COL23A1: variants seen among roughly 807,000 people sequenced by gnomAD.
The protein encoded by COL23A1 is collagen type XXIII alpha 1 chain, also known as collagen alpha-1(XXIII) chain.
COL23A1 carries 97 observed loss-of-function variants against 99.3 expected under a neutral mutation model. The ratio of observed to expected loss-of-function variants is 0.98; its 90% CI spans 0.83 to 1.16. The LOEUF (loss-of-function observed/expected upper bound fraction) is 1.16, where lower values mean the gene tolerates loss of function less well. COL23A1 is among the 50% of genes most tolerant of loss of function. COL23A1 has a pLI of 0.00. For synonymous variants in COL23A1, 320 were observed against 308.2 expected (o/e 1.04, Z -0.40); for missense variants, 762 against 757.4 (o/e 1.01, Z -0.07).
intron 2 of COL23A1, among the ~76,000 whole-genome samples, chr5:178,499,708 C>T (rs1758418725): frequency 6.6e-6 from 1 of 152,132 alleles, no homozygotes; most frequent in South Asian, 2.1e-4. Flanking sequence ...CCATTTGACT[C>T]CAAGGAAATG....
At chr5:178,533,732 C>T (rs908439893) in intron 2 of COL23A1, among the ~76,000 whole-genome samples, 1 of 152,138 alleles carries the variant, frequency 6.6e-6, no homozygotes, top group Non-Finnish European at 1.5e-5. Context: ...CTCCTGACCT[C>T]GTGATCCGCC....
intron 2 of COL23A1, among the ~76,000 whole-genome samples, chr5:178,529,136 C>T (rs1013144912): frequency 3.9e-5 from 6 of 152,208 alleles, no homozygotes; most frequent in Admixed American, 1.3e-4. Context: ...ATGGCCTTGT[C>T]GTCCAAGGAC....
At chr5:178,554,964 C>T (rs905433086) in intron 2 of COL23A1, among the ~76,000 whole-genome samples, 4 of 152,316 alleles carry the variant, frequency 2.6e-5, no homozygotes, top group South Asian at 2.1e-4. Flanking sequence ...CAAACAGAAA[C>T]GAGGTGCCCC....
At chr5:178,430,161 C>T (rs1461373432) in intron 2 of COL23A1, among the ~76,000 whole-genome samples, 1 of 152,200 alleles carries the variant, frequency 6.6e-6, no homozygotes, top group Non-Finnish European at 1.5e-5. Flanking sequence ...CACTTCGAGA[C>T]CTTAATCCAG....
In COL23A1 at chr5:178,388,338, C is replaced by T. The variant is rs528728006; in HGVS notation, c.362-81419G>A. On this transcript the variant is annotated intron_variant, in intron 2 of 28. Transcript: ENST00000390654. ...TGGGGATGAGTTGGATTTAATCTTA[C>T]GTTCCCTCTTCTCAAAGGTGAAGAA... 4.8e-3 allele frequency among the ~76,000 whole-genome samples: 735 copies of T among 152,310 alleles called. 2 individuals carry two copies. Among genetic ancestry groups the T allele is most frequent in the South Asian group, 9.7e-3 (47 of 4,822 alleles).
chr5:178,424,640 C>T (rs1765811104), intron 2 of COL23A1, among the ~76,000 whole-genome samples: 1 of 152,206 alleles, frequency 6.6e-6, no homozygotes, highest in Non-Finnish European at 1.5e-5. Flanking sequence ...CAGGTCAGGA[C>T]TAATGGTCCT....
At chr5:178,275,834 T>C (rs1339031201) in intron 5 of COL23A1, among the ~76,000 whole-genome samples, 1 of 152,162 alleles carries the variant, frequency 6.6e-6, no homozygotes, top group Non-Finnish European at 1.5e-5. Flanking sequence ...CCCCCGGTCC[T>C]GACCGATCAA....
chr5:178,583,059 A>G (rs996123886), intron 1 of COL23A1, among the ~76,000 whole-genome samples: 8 of 152,348 alleles, frequency 5.3e-5, no homozygotes, highest in African/African-American at 1.7e-4. Context: ...CTGTAAAACA[A>G]TGTCAGTAAC....
Position 178,313,805 on chromosome 5 carries a change from T to C in COL23A1, c.362-6886A>G, listed in dbSNP as rs571104399. ...ACCTTCAGTCTGGAGCTCTATGAGA[T>C]TGCTGGGGCTTCAGGGCCATCAGGG... On this transcript the variant is annotated intron_variant, in intron 2 of 28. Coordinates refer to ENST00000390654, the MANE Select transcript of COL23A1 (RefSeq NM_173465.4). The surrounding 1 kb of genome is among the most constrained non-coding windows in gnomAD (Gnocchi z 4.2). Among the ~76,000 whole-genome samples, 3 of 152,228 alleles carry C rather than the reference T, an allele frequency of 2.0e-5. No homozygotes were observed. The highest frequency in any genetic ancestry group is 1.9e-4 in the East Asian group (1 of 5,180).
chr5:178,332,303 G>C (rs1760075457), intron 2 of COL23A1, among the ~76,000 whole-genome samples: 1 of 152,170 alleles, frequency 6.6e-6, no homozygotes, highest in Admixed American at 6.6e-5. Flanking sequence ...ATGCAGGTGT[G>C]ATTTACGGTC....
chr5:178,477,759 G>A (rs1757110878), intron 2 of COL23A1, among the ~76,000 whole-genome samples: 2 of 152,310 alleles, frequency 1.3e-5, no homozygotes, highest in South Asian at 4.1e-4. Flanking sequence ...GGTAGAATAG[G>A]GAGAGGAAAG....
chr5:178,565,327 C>A (rs1307327131), intron 1 of COL23A1, among the ~76,000 whole-genome samples: 1 of 152,224 alleles, frequency 6.6e-6, no homozygotes, highest in Non-Finnish European at 1.5e-5. Flanking sequence ...ACTCTGTCTC[C>A]TCAGGGAGGC....
chr5:178,429,060 C>A (rs62389411), intron 2 of COL23A1, among the ~76,000 whole-genome samples: 16,197 of 152,202 alleles, frequency 0.11, 1,366 homozygotes, highest in African/African-American at 0.23. Flanking sequence ...GCTCTGTAAA[C>A]CAGGTGCGGG....
At chr5:178,431,614 A>G (rs1203851765) in intron 2 of COL23A1, among the ~76,000 whole-genome samples, 2 of 152,250 alleles carry the variant, frequency 1.3e-5, no homozygotes, top group Admixed American at 1.3e-4. Context: ...ATGCAGCCAC[A>G]AGCCAAGGAA....
intron 1 of COL23A1, among the ~76,000 whole-genome samples, chr5:178,576,432 G>A (rs749333034): frequency 1.3e-5 from 2 of 152,070 alleles, no homozygotes; most frequent in African/African-American, 2.4e-5. Context: ...ACGGGGTTTC[G>A]CCATACTGGC....
At chr5:178,536,151 G>A (rs1760925825) in intron 2 of COL23A1, among the ~76,000 whole-genome samples, 1 of 152,256 alleles carries the variant, frequency 6.6e-6, no homozygotes, top group Admixed American at 6.5e-5. Flanking sequence ...TCTCCTTTGA[G>A]GAACAATTCA....
At chr5:178,305,577 T>C (rs1758306331) in intron 3 of COL23A1, among the ~76,000 whole-genome samples, 1 of 152,040 alleles carries the variant, frequency 6.6e-6, no homozygotes, top group South Asian at 2.1e-4. Context: ...ACAAAACCAT[T>C]AGAGGTTTTT....
chr5:178,408,450 A>G (rs1764872353), intron 2 of COL23A1, among the ~76,000 whole-genome samples: 1 of 152,208 alleles, frequency 6.6e-6, no homozygotes. Context: ...TCTAAATTAC[A>G]TTTGATGGTT....
At chr5:178,380,960 A>AG (rs1443396880) in intron 2 of COL23A1, among the ~76,000 whole-genome samples, 1 of 152,202 alleles carries the variant, frequency 6.6e-6, no homozygotes, top group Non-Finnish European at 1.5e-5. Context: ...CCCAGCCGGC[A>AG]GGCACATCTA....
Sources: allele counts gnomAD v4.1 joint callset (sites outside exome capture counted in the v4.1 genomes callset), GRCh38; gene constraint gnomAD v4.1.1; non-coding constraint Gnocchi (gnomAD v3.1); transcripts MANE v1.5; gene names NCBI Gene and HGNC (gene_info 2026-07-23, HGNC 2026-07-21).